The following RFX7 variants were observed in gnomAD, a reference collection of about 807,000 sequenced individuals.
RFX7 encodes the protein regulatory factor X7.
In RFX7, 26 loss-of-function variants were observed where a neutral mutation model predicts 111.8. The ratio of observed to expected loss-of-function variants is 0.23; its 90% CI spans 0.17 to 0.32. RFX7 has a LOEUF of 0.32. RFX7 is among the 10% of genes least tolerant of loss of function. The probability of loss-of-function intolerance (pLI) is 1.00; values close to 1 mark genes in which losing one functional copy is unlikely to be tolerated. For missense variants in RFX7, 1,573 were observed against 1,772.9 expected, an observed-to-expected ratio of 0.89 and a Z score of 2.02; for synonymous variants, 624 against 624.4, an observed-to-expected ratio of 1.00 and a Z score of 0.01.
At chr15:56,129,135 G>C (rs1328563614) in intron 5 of RFX7, among the ~76,000 whole-genome samples, 1 of 152,104 alleles carries the variant, frequency 6.6e-6, no homozygotes, top group East Asian at 1.9e-4. Flanking sequence ...CAACACTTTG[G>C]GAGGCCGAAG....
chr15:56,143,850 G>C (rs1227037237), intron 4 of RFX7, among the ~76,000 whole-genome samples: 1 of 152,042 alleles, frequency 6.6e-6, no homozygotes, highest in South Asian at 2.1e-4. Context: ...TACTTAAAAG[G>C]TTAAGGAAAC....
At chr15:56,112,974 A>G (rs1452899818) in intron 5 of RFX7, among the ~76,000 whole-genome samples, 1 of 152,242 alleles carries the variant, frequency 6.6e-6, no homozygotes, top group Non-Finnish European at 1.5e-5. Context: ...GCCGGTCAGA[A>G]TGGCGATTAT....
intron 5 of RFX7, among the ~76,000 whole-genome samples, chr15:56,109,156 C>T (rs1182732117): frequency 2.6e-5 from 4 of 152,228 alleles, no homozygotes; most frequent in Non-Finnish European, 4.4e-5. Context: ...CCTGATTCTC[C>T]TGCCTCAGCC....
chr15:56,127,234 T>G lies in RFX7; in HGVS notation c.401+15544A>C, dbSNP rs79100428. Among the ~76,000 whole-genome samples the G allele has an allele frequency of 4.6e-3, 698 of 151,616 alleles. 12 individuals carry two copies. The highest frequency in any genetic ancestry group is 0.016 in the African/African-American group (681 of 41,308). The stretch of plus-strand genomic sequence containing the variant: ...GAAAATTAAATTCCTACATAATCAA[T>G]GGATCGAAAAAACACAAGAGAAATT... On this transcript the variant is annotated intron_variant, in intron 5 of 9. Transcript: ENST00000559447.
At chr15:56,142,478 C>A in intron 5 of RFX7, among the ~76,000 whole-genome samples, 1 of 152,144 alleles carries the variant, frequency 6.6e-6, no homozygotes, top group East Asian at 1.9e-4. Flanking sequence ...CCTATCATAC[C>A]TAAGAATTCT....
intron 2 of RFX7, among the ~76,000 whole-genome samples, chr15:56,205,191 G>A (rs189116238): frequency 6.6e-6 from 1 of 152,288 alleles, no homozygotes; most frequent in Admixed American, 6.5e-5. Context: ...ATAAAATGAA[G>A]TTGTGAGTAA....
intron 2 of RFX7, among the ~76,000 whole-genome samples, chr15:56,185,740 A>C (rs1167367171): frequency 6.6e-6 from 1 of 152,106 alleles, no homozygotes; most frequent in Non-Finnish European, 1.5e-5. Context: ...TCTGGTTTTT[A>C]CTACTGATGA....
At chr15:56,223,216 C>T (rs559281193) in intron 2 of RFX7, among the ~76,000 whole-genome samples, 2 of 152,126 alleles carry the variant, frequency 1.3e-5, no homozygotes, top group South Asian at 2.1e-4. Flanking sequence ...ACGTGGAGTT[C>T]GGCATTCAGT....
In RFX7 at chr15:56,109,387, G is replaced by A. The variant is rs1371717212; in HGVS notation, c.402-5717C>T. On this transcript the variant is annotated intron_variant, in intron 5 of 9. Transcript: ENST00000559447. ...GGCTGGAGTGCAGTGGCGTGATCTC[G>A]GCTCGCTACAACATCCACCTCCCAG... Among the ~76,000 whole-genome samples the A allele has an allele frequency of 5.3e-5, 8 of 152,258 alleles. No homozygotes were observed. In the South Asian group the frequency reaches 8.3e-4, roughly 16 times the overall value.
Position 56,095,521 on chromosome 15 carries a change from G to A in RFX7, c.2207C>T (p.Ala736Val). 6.2e-7 allele frequency: 1 copy of A among 1,613,348 alleles called. No homozygotes were observed. The highest frequency in any genetic ancestry group is 8.5e-7 in the Non-Finnish European group (1 of 1,179,844). ...CAAAGCTGAATCACTGATAACAAGG[G>A]CAGAGGAATTCAAGGGTTGATTTGC... ...IGANQPLNSS[A>V]LVISDSALEQ... The change falls in exon 10 of 10, where the codon GCC (alanine) becomes GTC (valine). Residue 736 changes from alanine (A) to valine (V), a missense_variant. Ala to Val is a moderately conservative substitution (Grantham distance 64). This residue lies in a region of RFX7 where 625 missense variants were observed against 632.2 expected (regional missense o/e 0.99). Transcript: ENST00000559447.
intron 5 of RFX7, among the ~76,000 whole-genome samples, chr15:56,129,811 G>A (rs1320483459): frequency 6.6e-6 from 1 of 152,124 alleles, no homozygotes; most frequent in Non-Finnish European, 1.5e-5. Context: ...TTTGTAGAAG[G>A]GTGAAACGTT....
chr15:56,203,082 G>T (rs2043210508), intron 2 of RFX7, among the ~76,000 whole-genome samples: 1 of 152,050 alleles, frequency 6.6e-6, no homozygotes, highest in Admixed American at 6.5e-5. Context: ...TTAAAACCAA[G>T]AATCACAGGC....
intron 2 of RFX7, among the ~76,000 whole-genome samples, chr15:56,190,994 T>C (rs566276917): frequency 5.3e-4 from 81 of 152,308 alleles, no homozygotes; most frequent in Non-Finnish European, 9.1e-4. Flanking sequence ...AGAAATTAAA[T>C]CTATTTAGGC....
chr15:56,116,542 ATGAG>A (rs1414295528), intron 5 of RFX7, among the ~76,000 whole-genome samples: 5 of 152,224 alleles, frequency 3.3e-5, no homozygotes, highest in Non-Finnish European at 7.3e-5. Flanking sequence ...TCAGTAGAAA[ATGAG>A]TGAGATGTAG....
intron 3 of RFX7, among the ~76,000 whole-genome samples, chr15:56,146,385 C>T (rs546420843): frequency 1.1e-4 from 16 of 152,232 alleles, no homozygotes; most frequent in South Asian, 2.1e-4. Flanking sequence ...TAGGTATGAA[C>T]TACTGTCAAA....
intron 2 of RFX7, among the ~76,000 whole-genome samples, chr15:56,209,071 C>A (rs1250431594): frequency 6.6e-6 from 1 of 151,874 alleles, no homozygotes; most frequent in South Asian, 2.1e-4. Flanking sequence ...AGAACGTCAA[C>A]CAACATCAAT....
intron 5 of RFX7, among the ~76,000 whole-genome samples, chr15:56,104,781 C>T (rs1333578841): frequency 2.2e-5 from 2 of 92,780 alleles, no homozygotes; most frequent in African/African-American, 8.0e-5. Context: ...ATTCCCACAG[C>T]AAATCCTGCA....
chr15:56,142,872 C>A lies in RFX7; in HGVS notation c.307G>T (p.Ala103Ser). 1 of 1,613,490 alleles carries A rather than the reference C, an allele frequency of 6.2e-7. No homozygotes were observed. The change falls in exon 5 of 10, where the codon GCA (alanine) becomes TCA (serine). Residue 103 changes from alanine (A) to serine (S), a missense_variant. Physicochemically the swap from Ala to Ser is moderately conservative, Grantham distance 99. Transcript: ENST00000559447. ...SDQNAMSSSR[A>S]QQMHAFSWIR... ...CAGGAAAAGGCATGCATTTGTTGTGCCCGACTAGATGACATGGCATTCTGA... is the reference window on the plus strand; with the variant it reads ...CAGGAAAAGGCATGCATTTGTTGTGACCGACTAGATGACATGGCATTCTGA...
intron 2 of RFX7, among the ~76,000 whole-genome samples, chr15:56,233,869 AAACTT>A (rs1192613683): frequency 1.3e-5 from 2 of 152,152 alleles, no homozygotes; most frequent in Non-Finnish European, 2.9e-5. Flanking sequence ...TTGTACATCG[AAACTT>A]AACATGAGAG....
Sources: allele counts gnomAD v4.1 joint callset (sites outside exome capture counted in the v4.1 genomes callset), GRCh38; gene constraint gnomAD v4.1.1; regional missense constraint gnomAD v4.1.1; transcripts MANE v1.5; gene names NCBI Gene and HGNC (gene_info 2026-07-23, HGNC 2026-07-21).